PEX11G: variants seen among roughly 807,000 people sequenced by gnomAD.
The protein encoded by PEX11G is peroxisomal biogenesis factor 11 gamma, also known as peroxisomal membrane protein 11C.
A neutral mutation model predicts 22.5 loss-of-function variants in PEX11G; 20 were observed. The ratio of observed to expected loss-of-function variants is 0.89; its 90% confidence interval spans 0.62 to 1.29. PEX11G has a LOEUF of 1.29. Among genes scored for constraint, PEX11G ranks in the 50% most tolerant of loss-of-function variants. The pLI is 0.00. For synonymous variants in PEX11G, 141 were observed against 154.5 expected (o/e 0.91, Z 0.65); for missense variants, 347 against 331.3 (o/e 1.05, Z -0.37).
chr19:7,477,625 G>C (rs776772487), intron 4 of PEX11G, among the ~76,000 whole-genome samples, 189 bp from the exon 5 acceptor site: 1 of 151,952 alleles, frequency 6.6e-6, no homozygotes, highest in African/African-American at 2.4e-5. Flanking sequence ...ACCCAAGCAC[G>C]AACAGGGCAG....
At position 7,480,137 on chromosome 19, in the gene PEX11G, C is replaced by T. The variant is rs373522832; in HGVS notation, c.429-1761G>A. 1.6e-3 allele frequency among the ~76,000 whole-genome samples: 249 copies of T among 152,020 alleles called. 2 individuals are homozygous for T. The highest frequency in any genetic ancestry group is 5.6e-3 in the African/African-American group (231 of 41,460). On this transcript the variant is annotated intron_variant, in intron 3 of 4. Transcript: ENST00000221480. ...TACAAAAATTAGCCAGATATGGTGG[C>T]ACAGCCTGTGGTCCCAGCCACTCAG...
chr19:7,485,954 C>T lies in PEX11G; in HGVS notation c.133G>A (p.Val45Met). Residue 45 changes from valine to methionine, a missense_variant, in exon 2 of 5, where the codon GTG (valine) becomes ATG (methionine). Transcript: ENST00000221480. ...LVEQCPARSEVGTRLLVVSTQ... is the reference protein window; with the variant it reads ...LVEQCPARSEMGTRLLVVSTQ... ...GACACCACCAACAGACGTGTCCCCA[C>T]TTCGGACCTGGCGGGACACTGTTCA... 6.2e-7 allele frequency: 1 copy of T among 1,612,382 alleles called. No individual in the cohort carries two copies. The highest frequency in any genetic ancestry group is 8.5e-7 in the Non-Finnish European group (1 of 1,178,654).
intron 2 of PEX11G, among the ~76,000 whole-genome samples, chr19:7,483,663 A>C (rs1433338916): frequency 6.6e-6 from 1 of 152,154 alleles, no homozygotes; most frequent in Non-Finnish European, 1.5e-5. Flanking sequence ...CCACAGCAAC[A>C]CTTATGATAT....
At chr19:7,479,465 C>A (rs1397712633) in intron 3 of PEX11G, among the ~76,000 whole-genome samples, 1 of 152,190 alleles carries the variant, frequency 6.6e-6, no homozygotes, top group East Asian at 1.9e-4. Flanking sequence ...GCCTGGGCGA[C>A]AGAGGAAGAC....
chr19:7,494,075 T>G (rs1216391767), intron 1 of PEX11G, among the ~76,000 whole-genome samples: 3 of 152,028 alleles, frequency 2.0e-5, no homozygotes, highest in Non-Finnish European at 4.4e-5. Flanking sequence ...CCCAGCTAAT[T>G]TTTGTATTTT....
intron 3 of PEX11G, 126 bp from the exon 4 acceptor site, chr19:7,478,502 C>A: frequency 1.0e-6 from 1 of 982,514 alleles, no homozygotes; most frequent in South Asian, 1.5e-5. Context: ...TGCCCTCTCC[C>A]TGCCCCCACA....
At chr19:7,489,230 A>T, upstream of PEX11G, 2 of 1,200,250 alleles carry the variant, frequency 1.7e-6, no homozygotes, top group Non-Finnish European at 2.1e-6. Flanking sequence ...TCATCCTCGG[A>T]GTTTGCTGCA....
At chr19:7,485,206 T>C (rs2021586956) in intron 2 of PEX11G, among the ~76,000 whole-genome samples, 1 of 152,192 alleles carries the variant, frequency 6.6e-6, no homozygotes, top group South Asian at 2.1e-4. Flanking sequence ...TCTCGCTCCA[T>C]TGCCCAGGCT....
chr19:7,480,374 C>T (rs1480857752), intron 3 of PEX11G, among the ~76,000 whole-genome samples: 1 of 152,236 alleles, frequency 6.6e-6, no homozygotes, highest in Admixed American at 6.5e-5. Flanking sequence ...CAAGGCCCCC[C>T]TCTGACCGGA....
In PEX11G at chr19:7,485,394, C is replaced by T. The variant is rs535747383; in HGVS notation, c.249+444G>A. Among the ~76,000 whole-genome samples, 576 of 151,920 alleles carry T rather than the reference C, an allele frequency of 3.8e-3. 4 individuals are homozygous for T. The highest frequency in any genetic ancestry group is 3.8e-3 in the Non-Finnish European group (261 of 67,962). The stretch of plus-strand genomic sequence containing the variant: ...TTTTTTAGACGGAGTCTCGCTCTGT[C>T]GTCCAGGCTGGAGTGCAGTGGCGCG... On this transcript the variant is annotated intron_variant, in intron 2 of 4. Coordinates refer to ENST00000221480, the MANE Select transcript of PEX11G (RefSeq NM_080662.4).
upstream of PEX11G, chr19:7,489,471 G>A: frequency 2.0e-6 from 2 of 990,002 alleles, no homozygotes; most frequent in Non-Finnish European, 2.4e-6. Flanking sequence ...GGCATCTTTC[G>A]ACGTTAAGGA....
At chr19:7,490,588 C>T (rs1378093011), upstream of PEX11G, among the ~76,000 whole-genome samples, 1 of 147,174 alleles carries the variant, frequency 6.8e-6, no homozygotes, top group African/African-American at 2.5e-5. Flanking sequence ...ATCCGCCCGT[C>T]TCTGCCTCCC....
chr19:7,484,383 C>G (rs1319923128), intron 2 of PEX11G, among the ~76,000 whole-genome samples: 1 of 151,344 alleles, frequency 6.6e-6, no homozygotes, highest in African/African-American at 2.4e-5. Flanking sequence ...AGAAATGATG[C>G]CGAAGCTGTA....
At chr19:7,485,571 G>A (rs1378482851) in intron 2 of PEX11G, among the ~76,000 whole-genome samples, 1 of 151,968 alleles carries the variant, frequency 6.6e-6, no homozygotes, top group Non-Finnish European at 1.5e-5. Flanking sequence ...TAGCCAGGAC[G>A]GTCTCCATCT....
At chr19:7,494,303 A>G (rs1356691533) in intron 1 of PEX11G, among the ~76,000 whole-genome samples, 1 of 152,156 alleles carries the variant, frequency 6.6e-6, no homozygotes, top group Non-Finnish European at 1.5e-5. Context: ...GAGGCACGAG[A>G]ATCGATTGAA....
At chr19:7,486,565 C>T (rs1314536246) in intron 1 of PEX11G, among the ~76,000 whole-genome samples, 1 of 152,110 alleles carries the variant, frequency 6.6e-6, no homozygotes, top group Admixed American at 6.6e-5. Context: ...AGTTTGAGAC[C>T]AGCCTGGGCA....
chr19:7,477,607 C>T (rs1446820695), intron 4 of PEX11G, among the ~76,000 whole-genome samples, 171 bp from the exon 5 acceptor site: 1 of 152,116 alleles, frequency 6.6e-6, no homozygotes, highest in African/African-American at 2.4e-5. Context: ...GTCCCCATCA[C>T]CCCCCCGACC....
rs2021623314 is a variant in PEX11G, at chr19:7,485,856, T to C, written c.231A>G (p.Gln77=). ...DDLAMFVYTK[Q]YGLGAQEEDA... is the part of the protein sequence containing the mutation. ...CTGTTACCTGTGCCCCCAGGCCATA[T>C]TGCTTAGTGTAGACAAACATGGCCA... Residue 77 remains glutamine, a synonymous_variant, in exon 2 of 5, where the codon CAA becomes CAG. Transcript: ENST00000221480. The C allele has an allele frequency of 2.0e-5, 32 of 1,604,626 alleles. No homozygotes were observed. In the East Asian group the frequency reaches 7.0e-4, roughly 35 times the overall value.
chr19:7,479,703 G>C (rs1290587249), intron 3 of PEX11G, among the ~76,000 whole-genome samples: 1 of 152,012 alleles, frequency 6.6e-6, no homozygotes, highest in East Asian at 1.9e-4. Context: ...GGGGCACACA[G>C]GACTTCGATG....
Sources: gnomAD v4.1 joint callset for allele counts (sites outside exome capture counted in the v4.1 genomes callset) on GRCh38, gnomAD v4.1.1 for gene constraint, MANE v1.5 for transcripts, NCBI Gene and HGNC (gene_info 2026-07-23, HGNC 2026-07-21) for gene names.